Variants in GALNTL6 observed in about 807,000 individuals in gnomAD.
GALNTL6 encodes the protein polypeptide N-acetylgalactosaminyltransferase-like 6.
In GALNTL6, 46 loss-of-function variants were observed where a neutral mutation model predicts 73.7. That is an observed-to-expected ratio of 0.62 (90% CI 0.49 to 0.80). The LOEUF (loss-of-function observed/expected upper bound fraction) is 0.80, where lower values mean the gene tolerates loss of function less well. GALNTL6 is among the 30% of genes least tolerant of loss of function. The pLI, the probability that GALNTL6 is intolerant of heterozygous loss-of-function variation, is 0.00. For synonymous variants in GALNTL6, 259 were observed against 263.7 expected, an observed-to-expected ratio of 0.98 and a Z score of 0.17; for missense variants, 604 against 755.0, an observed-to-expected ratio of 0.80 and a Z score of 2.34.
chr4:172,101,246 G>C (rs768151457), intron 2 of GALNTL6, among the ~76,000 whole-genome samples: 1 of 152,078 alleles, frequency 6.6e-6, no homozygotes. Flanking sequence ...CTAGGATCCA[G>C]GAATCCTGCC....
Position 172,598,784 on chromosome 4 carries a change from G to A in GALNTL6, c.554-210577G>A, listed in dbSNP as rs555196286. Among the ~76,000 whole-genome samples the A allele has an allele frequency of 5.1e-4, 78 of 152,194 alleles. 1 individual carries two copies. The South Asian group carries it at 0.016, about 31-fold the overall frequency. ...CCATTATCCTTATAAAATATTTTGT[G>A]AGACTTGACATTTATTCTATTATTT... On this transcript the variant is annotated intron_variant, in intron 5 of 12. Transcript: ENST00000506823.
intron 2 of GALNTL6, among the ~76,000 whole-genome samples, chr4:172,012,935 T>C (rs1007901053): frequency 6.6e-6 from 1 of 152,192 alleles, no homozygotes; most frequent in Middle Eastern, 3.4e-3. Flanking sequence ...AGTTCTCTGG[T>C]ACAACCCTGT....
intron 2 of GALNTL6, among the ~76,000 whole-genome samples, chr4:172,154,919 C>T (rs1734209727): frequency 6.6e-6 from 1 of 152,160 alleles, no homozygotes; most frequent in Non-Finnish European, 1.5e-5. Flanking sequence ...ATGTCAAAAT[C>T]CTAACACCCA....
intron 2 of GALNTL6, among the ~76,000 whole-genome samples, chr4:172,157,691 G>A (rs1322838270): frequency 6.6e-6 from 1 of 152,068 alleles, no homozygotes; most frequent in Non-Finnish European, 1.5e-5. Context: ...TTTATTACTA[G>A]GAACGATATT....
rs995190536 is a variant in GALNTL6, at chr4:172,475,436, GA to G, written c.553+126759del. On this transcript the variant is annotated intron_variant, in intron 5 of 12. Transcript: ENST00000506823. ...AATTCAGTCATGGACAAGGTTGGCA[GA>G]AAAAAAAAAAAGCATTCCAATTTGA... Among the ~76,000 whole-genome samples the G allele has an allele frequency of 3.8e-3, 523 of 138,338 alleles. 2 individuals carry two copies. Among genetic ancestry groups the G allele is most frequent in the African/African-American group, 9.7e-3 (365 of 37,766 alleles). The allele number at this position is 138,338 out of a possible 152,430, so 90.8% of individuals were successfully genotyped here.
At chr4:172,051,788 C>G (rs1730879598) in intron 2 of GALNTL6, among the ~76,000 whole-genome samples, 1 of 152,128 alleles carries the variant, frequency 6.6e-6, no homozygotes, top group Admixed American at 6.6e-5. Flanking sequence ...TCCAGGCTTG[C>G]AGGTAGGGCC....
chr4:171,833,812 TTA>T (rs895243939), intron 2 of GALNTL6, among the ~76,000 whole-genome samples: 4 of 151,776 alleles, frequency 2.6e-5, no homozygotes, highest in African/African-American at 4.8e-5. Flanking sequence ...TAGAACGTGC[TTA>T]TATATATATT....
chr4:173,037,974 C>T (rs1753761558), intron 12 of GALNTL6, among the ~76,000 whole-genome samples: 2 of 152,210 alleles, frequency 1.3e-5, no homozygotes, highest in African/African-American at 4.8e-5. Flanking sequence ...AATTCCTGGC[C>T]TCATGTGATC....
At chr4:172,752,475 C>A (rs564535077) in intron 5 of GALNTL6, among the ~76,000 whole-genome samples, 2 of 151,882 alleles carry the variant, frequency 1.3e-5, no homozygotes, top group Non-Finnish European at 2.9e-5. Flanking sequence ...GATACATAAA[C>A]CCATAATAAT....
chr4:172,903,936 C>A (rs548635279), intron 8 of GALNTL6, among the ~76,000 whole-genome samples: 4 of 152,128 alleles, frequency 2.6e-5, no homozygotes, highest in African/African-American at 9.6e-5. Flanking sequence ...ATTCTATCAC[C>A]CAGGTACTGA....
intron 5 of GALNTL6, chr4:172,668,637 C>T (rs1187276638): frequency 6.6e-6 from 1 of 152,120 alleles, no homozygotes; most frequent in Non-Finnish European, 1.5e-5. Context: ...AGCAGCGGTA[C>T]TTCAAATTAG....
At chr4:172,237,391 A>G (rs541960964) in intron 3 of GALNTL6, among the ~76,000 whole-genome samples, 1 of 152,164 alleles carries the variant, frequency 6.6e-6, no homozygotes, top group Non-Finnish European at 1.5e-5. Flanking sequence ...CTTGTTGCCT[A>G]TTTGAAAAGT....
intron 2 of GALNTL6, among the ~76,000 whole-genome samples, chr4:172,057,497 C>T (rs1731050444): frequency 1.3e-5 from 2 of 150,116 alleles, no homozygotes; most frequent in Admixed American, 6.7e-5. Flanking sequence ...AAAATCAGCC[C>T]GGGCAACATA....
intron 5 of GALNTL6, among the ~76,000 whole-genome samples, chr4:172,655,474 TC>T (rs1256485364): frequency 1.3e-5 from 2 of 152,164 alleles, no homozygotes; most frequent in African/African-American, 4.8e-5. Flanking sequence ...CCCACGTCCA[TC>T]GTTTGATTAG....
intron 2 of GALNTL6, among the ~76,000 whole-genome samples, chr4:171,960,174 T>A (rs1160554015): frequency 6.6e-6 from 1 of 152,208 alleles, no homozygotes; most frequent in Non-Finnish European, 1.5e-5. Flanking sequence ...GGCTACTCTT[T>A]ACAGCACTGC....
intron 2 of GALNTL6, among the ~76,000 whole-genome samples, chr4:172,190,192 TA>T (rs1457794434): frequency 6.6e-6 from 1 of 152,208 alleles, no homozygotes; most frequent in South Asian, 2.1e-4. Flanking sequence ...CACATTTCTT[TA>T]AAAAATAAAA....
intron 7 of GALNTL6, among the ~76,000 whole-genome samples, chr4:172,869,050 T>G (rs752565806): frequency 6.6e-6 from 1 of 152,206 alleles, no homozygotes; most frequent in Non-Finnish European, 1.5e-5. Flanking sequence ...CATTAAATAC[T>G]AGATCTAATT....
chr4:172,292,701 A>G (rs145043486), intron 3 of GALNTL6, among the ~76,000 whole-genome samples: 7 of 152,154 alleles, frequency 4.6e-5, no homozygotes, highest in African/African-American at 1.7e-4. Context: ...TGTTGGTATA[A>G]AGACAGAAAA....
chr4:172,788,671 CAAAAAAAA>C (rs36046571), intron 5 of GALNTL6, among the ~76,000 whole-genome samples: 3 of 78,350 alleles, frequency 3.8e-5, no homozygotes, highest in African/African-American at 1.6e-4. Context: ...GACTCCGTCT[CAAAAAAAA>C]AAAAAAAAAA....
Sources: allele counts gnomAD v4.1 joint callset (sites outside exome capture counted in the v4.1 genomes callset), GRCh38; gene constraint gnomAD v4.1.1; transcripts MANE v1.5; gene names NCBI Gene and HGNC (gene_info 2026-07-23, HGNC 2026-07-21).